The following ERG variants were observed in gnomAD, a reference collection of about 807,000 sequenced individuals.
ERG encodes ETS transcription factor ERG.
Under a neutral mutation model 55.3 loss-of-function variants are expected in ERG, and 9 were observed. That is an observed-to-expected ratio of 0.16 (90% CI 0.10 to 0.28). The LOEUF (loss-of-function observed/expected upper bound fraction) is 0.28. Ranked by LOEUF, ERG falls within the 10% of genes least tolerant of loss-of-function variation. ERG has a pLI of 1.00. For synonymous variants in ERG, 223 were observed against 237.3 expected (o/e 0.94, Z 0.55); for missense variants, 434 against 631.6 (o/e 0.69, Z 3.35).
At chr21:38,548,251 T>TA (rs1211037034) in intron 2 of ERG, among the ~76,000 whole-genome samples, 1 of 152,110 alleles carries the variant, frequency 6.6e-6, no homozygotes. Context: ...ATTGCCCCAA[T>TA]AAACTGGCTT....
intron 2 of ERG, among the ~76,000 whole-genome samples, chr21:38,429,296 A>G (rs1989997802): frequency 6.6e-6 from 1 of 151,898 alleles, no homozygotes; most frequent in South Asian, 2.1e-4. Flanking sequence ...ACCCACACAT[A>G]TACATATGTA....
intron 1 of ERG, among the ~76,000 whole-genome samples, chr21:38,622,558 C>A (rs2146944613): frequency 6.8e-6 from 1 of 147,052 alleles, no homozygotes; most frequent in African/African-American, 2.5e-5. Flanking sequence ...CACATACACA[C>A]CACGCACACA....
intron 2 of ERG, among the ~76,000 whole-genome samples, chr21:38,525,924 C>A (rs1053915035): frequency 6.6e-6 from 1 of 152,040 alleles, no homozygotes; most frequent in Non-Finnish European, 1.5e-5. Context: ...TAAGGCAATA[C>A]GATTAACAGT....
In ERG at chr21:38,477,310, T is replaced by C. The variant is rs1404631569; in HGVS notation, c.18+21053A>G. On this transcript the variant is annotated intron_variant, in intron 1 of 9. Transcript: ENST00000288319. ...TGAGTCACTGCGCCTGGACTTCTTT[T>C]TTCAACAGTAGAAATATTTGCACTG... Among the ~76,000 whole-genome samples the C allele has an allele frequency of 4.6e-5, 7 of 152,332 alleles. No individual in the cohort carries two copies. In the East Asian group the frequency reaches 1.4e-3, roughly 29 times the overall value.
downstream of ERG, among the ~76,000 whole-genome samples, chr21:38,376,253 AG>A (rs1987239238): frequency 6.6e-6 from 1 of 152,108 alleles, no homozygotes; most frequent in Non-Finnish European, 1.5e-5. Context: ...AAATATGATG[AG>A]GGGAGGGGTT....
downstream of ERG, among the ~76,000 whole-genome samples, chr21:38,376,270 T>C (rs1987239790): frequency 6.6e-6 from 1 of 152,212 alleles, no homozygotes; most frequent in African/African-American, 2.4e-5. Flanking sequence ...GGGTTTCTTC[T>C]AAAGAGAACT....
intron 1 of ERG, among the ~76,000 whole-genome samples, chr21:38,640,902 T>C (rs2060420629): frequency 6.6e-6 from 1 of 152,200 alleles, no homozygotes; most frequent in Admixed American, 6.5e-5. Flanking sequence ...AGAACTGCTA[T>C]TTTTCATTAT....
In ERG at chr21:38,559,562, G is replaced by A. The variant is rs117192250; in HGVS notation, c.-41+16100C>T. On this transcript the variant is annotated intron_variant, in intron 2 of 8. Coordinates refer to the ERG transcript ENST00000398897. ...ACAAAATCACTGAAAGAAATTTAACGTCAACCTTAAATAACAGTAGAGGCA... is the reference window on the plus strand; with the variant it reads ...ACAAAATCACTGAAAGAAATTTAACATCAACCTTAAATAACAGTAGAGGCA... 8.8e-3 allele frequency among the ~76,000 whole-genome samples: 1,335 copies of A among 152,054 alleles called. 11 individuals are homozygous for A. The highest frequency in any genetic ancestry group is 0.024 in the Middle Eastern group (7 of 294).
intron 2 of ERG, among the ~76,000 whole-genome samples, chr21:38,508,456 T>A (rs568737265): frequency 2.0e-5 from 3 of 152,194 alleles, no homozygotes; most frequent in Admixed American, 2.0e-4. Context: ...AGTGGATGAG[T>A]ATACATCCTC....
intron 1 of ERG, among the ~76,000 whole-genome samples, chr21:38,459,942 G>C (rs939980283): frequency 6.6e-6 from 1 of 152,180 alleles, no homozygotes; most frequent in Non-Finnish European, 1.5e-5. Flanking sequence ...TGTTTTTCAA[G>C]CCTGATCTCA....
chr21:38,477,994 C>T (rs2836431), intron 1 of ERG, among the ~76,000 whole-genome samples: 11,649 of 152,308 alleles, frequency 0.076, 582 homozygotes, highest in East Asian at 0.19. Context: ...TCCTAACATT[C>T]GATCTTATCT....
intron 1 of ERG, among the ~76,000 whole-genome samples, chr21:38,477,007 C>CTTTTTTTTTTTTTTTTT (rs397867221): frequency 1.2e-5 from 1 of 84,156 alleles, no homozygotes. Context: ...TCTTTCTTTC[C>CTTTTTTTTTTTTTTTTT]TTTTTTTTTT....
intron 1 of ERG, among the ~76,000 whole-genome samples, chr21:38,447,836 T>C (rs933893618): frequency 6.6e-6 from 1 of 152,088 alleles, no homozygotes; most frequent in Non-Finnish European, 1.5e-5. Context: ...AATAACACAC[T>C]ATGTAATGTT....
chr21:38,641,056 G>C (rs891399892), intron 1 of ERG, among the ~76,000 whole-genome samples: 1 of 152,202 alleles, frequency 6.6e-6, no homozygotes, highest in African/African-American at 2.4e-5. Context: ...TTTTCTGAGA[G>C]TCAGTTGTGA....
chr21:38,529,693 G>A (rs1234085763), intron 2 of ERG, among the ~76,000 whole-genome samples: 4 of 152,078 alleles, frequency 2.6e-5, no homozygotes, highest in Middle Eastern at 3.2e-3. Flanking sequence ...GGCCAGGCGC[G>A]GTGGCTCATG....
At chr21:38,550,075 T>C (rs2059814361) in intron 2 of ERG, among the ~76,000 whole-genome samples, 1 of 152,180 alleles carries the variant, frequency 6.6e-6, no homozygotes, top group Admixed American at 6.5e-5. Context: ...GCTCCCAAGG[T>C]GACCACTCCA....
chr21:38,468,510 A>G lies in ERG; in HGVS notation c.19-22889T>C, dbSNP rs937269308. Among the ~76,000 whole-genome samples, 12 of 152,298 alleles carry G rather than the reference A, an allele frequency of 7.9e-5. No homozygotes were observed. The East Asian group carries it at 1.5e-3, about 20-fold the overall frequency. On this transcript the variant is annotated intron_variant, in intron 1 of 9. Coordinates refer to ENST00000288319, the MANE Select transcript of ERG (RefSeq NM_182918.4). ...GACAAGAATCATGGGATGAATTGGA[A>G]GATCTGGATGCTCCATTCACCACAG...
At chr21:38,594,854 T>C (rs191295265) in intron 1 of ERG, among the ~76,000 whole-genome samples, 2 of 152,276 alleles carry the variant, frequency 1.3e-5, no homozygotes, top group Admixed American at 6.5e-5. Context: ...GACCATTTAA[T>C]AGAAGCCCCC....
At chr21:38,451,991 G>A (rs780891200) in intron 1 of ERG, among the ~76,000 whole-genome samples, 9 of 152,122 alleles carry the variant, frequency 5.9e-5, no homozygotes, top group African/African-American at 1.4e-4. Context: ...TATTAACATC[G>A]TATATTAAAT....
Sources: gnomAD v4.1 joint callset for allele counts (sites outside exome capture counted in the v4.1 genomes callset) on GRCh38, gnomAD v4.1.1 for gene constraint, MANE v1.5 for transcripts, NCBI Gene and HGNC (gene_info 2026-07-23, HGNC 2026-07-21) for gene names.